The following SYTL4 variants were observed in gnomAD, a reference collection of about 807,000 sequenced individuals.
SYTL4 encodes the protein synaptotagmin like 4.
SYTL4 carries 16 observed loss-of-function variants against 52.7 expected under a neutral mutation model. The observed-to-expected ratio is 0.30, with a 90% CI of 0.21 to 0.46. The LOEUF (loss-of-function observed/expected upper bound fraction) is 0.46, where lower values mean the gene tolerates loss of function less well. SYTL4 is among the 20% of genes least tolerant of loss of function. The pLI is 1.00. For missense variants in SYTL4, 423 were observed against 519.9 expected, an observed-to-expected ratio of 0.81 and a Z score of 1.81; for synonymous variants, 160 against 186.6, an observed-to-expected ratio of 0.86 and a Z score of 1.16.
intron 2 of SYTL4, among the ~76,000 whole-genome samples, chrX:100,706,974 A>G (rs991034522): frequency 3.6e-5 from 4 of 111,798 alleles, no homozygotes; most frequent in Non-Finnish European, 3.8e-5. Flanking sequence ...GGAACAAAAG[A>G]GAGAAATTGA....
rs1234856788 is a variant in SYTL4 at position 100,681,321 on chromosome X, G to A, written c.1464C>T (p.Ser488=). 5 of 1,206,314 alleles carry A rather than the reference G, an allele frequency of 4.1e-6. No individual in the cohort carries two copies. The African/African-American group carries it at 8.8e-5, about 21-fold the overall frequency. The stretch of plus-strand genomic sequence containing the variant: ...CTTTGTGTGATGGCAAGCCAGTCGG[G>A]GACTCAGCACTGATCTGAAACACAG... ...LPLHGKISAE[S]PTGLPSHKGE... is the part of the protein sequence containing the mutation. The change falls in exon 17 of 20, where the codon TCC becomes TCT. Residue 488 remains serine, a synonymous_variant. Transcript: ENST00000372989.
intron 2 of SYTL4, among the ~76,000 whole-genome samples, chrX:100,723,271 C>T (rs1217856355): frequency 8.9e-6 from 1 of 111,860 alleles, no homozygotes; most frequent in African/African-American, 3.2e-5. Context: ...AGGCGCGCGC[C>T]GCCACGCCTG....
Position 100,701,591 on chromosome X carries a change from G to A in SYTL4, c.193C>T (p.Arg65Trp), listed in dbSNP as rs1304978704. 3.3e-6 allele frequency: 4 copies of A among 1,209,633 alleles called. No individual in the cohort carries two copies. The highest frequency in any genetic ancestry group is 3.4e-6 in the Non-Finnish European group (3 of 895,113). Residue 65 changes from arginine to tryptophan, a missense_variant, in exon 6 of 20, where the codon CGG (arginine) becomes TGG (tryptophan). Arg to Trp is a moderately radical substitution (Grantham distance 101, BLOSUM62 -3). Transcript: ENST00000372989. ...SQHYSDRTCARCQESLGRLSP... is the reference protein window; with the variant it reads ...SQHYSDRTCAWCQESLGRLSP... ...AAACGGCCCAGGCTCTCCTGGCACC[G>A]GGCACAGGTCCGATCACTGTAGTGT...
rs143481169 is a variant in SYTL4 at position 100,692,872 on chromosome X, A to T, written c.540-1663T>A. Among the ~76,000 whole-genome samples, 137 of 111,264 alleles carry T rather than the reference A, an allele frequency of 1.2e-3. 2 individuals are homozygous for T. In the East Asian group the frequency reaches 0.025, roughly 20 times the overall value. ...CTCTATCTAGAATTATCCCTAAATG[A>T]TCTCATCTAGTCTCATGGCTTTAAA... On this transcript the variant is annotated intron_variant, in intron 8 of 19. Coordinates refer to ENST00000372989, the MANE Select transcript of SYTL4 (RefSeq NM_001370165.1).
chrX:100,708,546 C>T (rs1204691988), intron 2 of SYTL4, among the ~76,000 whole-genome samples: 1 of 111,906 alleles, frequency 8.9e-6, no homozygotes, highest in Non-Finnish European at 1.9e-5. Flanking sequence ...AACACTAACA[C>T]AACTGGTTTT....
chrX:100,683,573 G>A lies in SYTL4; in HGVS notation c.1450-2238C>T, dbSNP rs781155137. ...TATATGTGAGAGAGACAAAAGAATC[G>A]GGAGGTAGATGCAGGCAAGGGAAAA... On this transcript the variant is annotated intron_variant, in intron 16 of 19. Coordinates refer to ENST00000372989, the MANE Select transcript of SYTL4 (RefSeq NM_001370165.1). 1.1e-4 allele frequency among the ~76,000 whole-genome samples: 12 copies of A among 111,555 alleles called. No individual in the cohort carries two copies. In the South Asian group the frequency reaches 2.3e-3, roughly 21 times the overall value.
At chrX:100,711,987 T>C (rs934865269) in intron 2 of SYTL4, among the ~76,000 whole-genome samples, 2 of 103,141 alleles carry the variant, frequency 1.9e-5, no homozygotes, top group African/African-American at 8.6e-5. Context: ...ACAACCTCTC[T>C]AAAATACTGA....
At chrX:100,693,776 A>C (rs747657459) in intron 8 of SYTL4, among the ~76,000 whole-genome samples, 2 of 112,892 alleles carry the variant, frequency 1.8e-5, no homozygotes, top group Non-Finnish European at 3.7e-5. Flanking sequence ...CCAAAAGATG[A>C]AAACATCCTA....
chrX:100,714,586 A>T (rs781340085), intron 2 of SYTL4, among the ~76,000 whole-genome samples: 2 of 111,850 alleles, frequency 1.8e-5, no homozygotes, highest in South Asian at 7.5e-4. Flanking sequence ...AATAAACAAT[A>T]CAGAGTAGGT....
intron 7 of SYTL4, 61 bp from the exon 8 acceptor site, chrX:100,701,060 C>A (rs2083839705): frequency 1.4e-5 from 14 of 982,839 alleles, no homozygotes; most frequent in Admixed American, 2.2e-5. Flanking sequence ...AAGGAAACAA[C>A]CCTCATAGCA....
intron 2 of SYTL4, among the ~76,000 whole-genome samples, chrX:100,718,523 A>C (rs1226616757): frequency 1.8e-5 from 2 of 110,913 alleles, no homozygotes; most frequent in Non-Finnish European, 3.8e-5. Flanking sequence ...GAGGCTTCCT[A>C]GGAGTCAGCT....
At chrX:100,723,247 G>A (rs1225271444) in intron 2 of SYTL4, among the ~76,000 whole-genome samples, 1 of 111,674 alleles carries the variant, frequency 9.0e-6, no homozygotes, top group South Asian at 3.8e-4. Flanking sequence ...AGCCTGCCGA[G>A]TGCCTGCGAT....
Position 100,687,076 on chromosome X carries a change from C to T in SYTL4, c.1175G>A (p.Arg392His), listed in dbSNP as rs748075948. ...TTCCAGAAGCACTCACGGGTTAGAG[C>T]GCTTCTTGGCTTCATCAGCATAGGC... is the stretch of plus-strand genomic sequence containing the variant. ...QLAYADEAKKRSNPYVKTYLL... is the reference protein window; with the variant it reads ...QLAYADEAKKHSNPYVKTYLL... Residue 392 changes from arginine to histidine, a missense_variant, in exon 14 of 20, where the codon CGC becomes CAC. Arg to His is a conservative substitution (Grantham distance 29). Transcript: ENST00000372989. 8 of 1,210,293 alleles carry T rather than the reference C, an allele frequency of 6.6e-6. No individual in the cohort carries two copies. Among genetic ancestry groups the T allele is most frequent in the Non-Finnish European group, 6.7e-6 (6 of 894,790 alleles).
Position 100,676,045 on chromosome X carries a change from G to T in SYTL4, c.1999C>A (p.Gln667Lys), listed in dbSNP as rs1379344429. Reference protein sequence around the residue: ...TLQLRSSMAKQKLGL With the variant: ...TLQLRSSMAKKKLGL The stretch of plus-strand genomic sequence containing the variant: ...ACAGGGACTCATAAACCCAGCTTCT[G>T]CTTGGCCATTGAGGAACGGAGCTGC... Residue 667 changes from glutamine (Q) to lysine (K), a missense_variant, in exon 20 of 20, where the codon CAG (glutamine) becomes AAG (lysine). Transcript: ENST00000372989. The T allele has an allele frequency of 2.9e-5, 35 of 1,209,479 alleles. No homozygotes were observed. The highest frequency in any genetic ancestry group is 3.7e-5 in the Non-Finnish European group (33 of 894,730).
intron 8 of SYTL4, among the ~76,000 whole-genome samples, chrX:100,699,813 C>T (rs998059033): frequency 9.1e-6 from 1 of 109,791 alleles, no homozygotes; most frequent in Admixed American, 9.7e-5. Context: ...TCTTAATAAC[C>T]AAAAAGTAGA....
In SYTL4 at chrX:100,676,091, C is replaced by A. The variant is rs779981518; in HGVS notation, c.1953G>T (p.Gly651=). The A allele has an allele frequency of 5.0e-6, 6 of 1,208,899 alleles. No homozygotes were observed. Among genetic ancestry groups the A allele is most frequent in the Admixed American group, 2.2e-5 (1 of 45,634 alleles). Residue 651 remains glycine (G), a synonymous_variant, in exon 20 of 20, where the codon GGG becomes GGT. Coordinates refer to ENST00000372989, the MANE Select transcript of SYTL4 (RefSeq NM_001370165.1). ...GCTGCAGAGTCCCTTCTGCCCAAGA[C>A]CCTGGGTACTGTCGCATCTTCTGCC... The part of the protein sequence containing the change: ...SLWQKMRQYP[G]SWAEGTLQLR...
In SYTL4 at chrX:100,675,895, T is replaced by TACAC. The variant is rs55934817; in HGVS notation, c.*129_*132dup. The TACAC allele has an allele frequency of 2.4e-3, 947 of 398,922 alleles. 1 individual carries two copies. The African/African-American group carries it at 0.025, about 11-fold the overall frequency. 32.9% of individuals were successfully genotyped at this position (398,922 alleles called of 1,213,427 possible). A position where few individuals can be genotyped will look rare whatever the true frequency, so the allele number is the denominator to read the frequency against. Reference sequence around the variant, plus strand: ...TGCAGAAAATACATGTTTGTACACATACACACACACACACACACACACACA... The same window carrying TACAC: ...TGCAGAAAATACATGTTTGTACACATACACACACACACACACACACACACACACA... On this transcript the variant is annotated 3_prime_UTR_variant, in exon 20 of 20. Coordinates refer to ENST00000372989, the MANE Select transcript of SYTL4 (RefSeq NM_001370165.1).
At chrX:100,714,417 A>G (rs768109059) in intron 2 of SYTL4, among the ~76,000 whole-genome samples, 19 of 109,430 alleles carry the variant, frequency 1.7e-4, no homozygotes, top group Admixed American at 7.8e-4. Flanking sequence ...CCGCCACCAC[A>G]CCCGGCTAAT....
intron 2 of SYTL4, among the ~76,000 whole-genome samples, chrX:100,710,909 A>C: frequency 1.8e-5 from 2 of 112,394 alleles, no homozygotes; most frequent in Middle Eastern, 9.3e-3. Context: ...TGTTTAGCAA[A>C]GGACTGATTA....
Sources: gnomAD v4.1 joint callset for allele counts (sites outside exome capture counted in the v4.1 genomes callset) on GRCh38, gnomAD v4.1.1 for gene constraint, MANE v1.5 for transcripts, NCBI Gene and HGNC (gene_info 2026-07-23, HGNC 2026-07-21) for gene names.